PALLD: variants seen among roughly 807,000 people sequenced by gnomAD.
PALLD encodes palladin, cytoskeletal associated protein.
Under a neutral mutation model 123.5 loss-of-function variants are expected in PALLD, and 61 were observed. The observed-to-expected ratio is 0.49, with a 90% CI of 0.40 to 0.61. The LOEUF is 0.61. Ranked by LOEUF, PALLD falls within the 20% of genes least tolerant of loss-of-function variation. The pLI is 0.00. For synonymous variants in PALLD, 465 were observed against 496.4 expected, an observed-to-expected ratio of 0.94 and a Z score of 0.84; for missense variants, 1,273 against 1,377.0, an observed-to-expected ratio of 0.92 and a Z score of 1.20.
intron 10 of PALLD, among the ~76,000 whole-genome samples, chr4:168,729,917 G>GC (rs1786989178): frequency 6.6e-6 from 1 of 152,136 alleles, no homozygotes; most frequent in Non-Finnish European, 1.5e-5. Flanking sequence ...AGTTACTGTA[G>GC]CAAAATTCAG....
intron 10 of PALLD, among the ~76,000 whole-genome samples, chr4:168,875,518 C>T (rs1751630220): frequency 6.6e-6 from 1 of 152,150 alleles, no homozygotes; most frequent in Non-Finnish European, 1.5e-5. Flanking sequence ...TTTTCCCCAC[C>T]CCTCCAGTCC....
At chr4:168,898,819 C>G in intron 14 of PALLD, 105 bp downstream of exon 14, 1 of 793,430 alleles carries the variant, frequency 1.3e-6, no homozygotes, top group Middle Eastern at 2.2e-4. Context: ...TGATCTTTCT[C>G]AATACCCACG....
intron 10 of PALLD, among the ~76,000 whole-genome samples, chr4:168,807,489 G>A (rs6840206): frequency 0.52 from 78,719 of 151,752 alleles, 20,988 homozygotes; most frequent in Non-Finnish European, 0.57. Flanking sequence ...GGCTCACTGC[G>A]ACCTCCGCCT....
At chr4:168,513,281 T>C (rs1324650441) in intron 2 of PALLD, among the ~76,000 whole-genome samples, 5 of 152,160 alleles carry the variant, frequency 3.3e-5, no homozygotes, top group African/African-American at 1.2e-4. Flanking sequence ...CTGCCCGTTA[T>C]TCCTACACAG....
At chr4:168,888,028 A>T (rs1397636080) in intron 10 of PALLD, among the ~76,000 whole-genome samples, 1 of 152,188 alleles carries the variant, frequency 6.6e-6, no homozygotes, top group African/African-American at 2.4e-5. Flanking sequence ...CATCCTTTCC[A>T]AGGAGTCATT....
At chr4:168,832,178 G>A (rs1744329843) in intron 10 of PALLD, 1 of 985,522 alleles carries the variant, frequency 1.0e-6, no homozygotes. Flanking sequence ...CGAGGTAGGC[G>A]CGGGGAATCG....
chr4:168,521,092 A>G (rs1287494774), intron 2 of PALLD, among the ~76,000 whole-genome samples: 2 of 152,196 alleles, frequency 1.3e-5, no homozygotes, highest in Non-Finnish European at 2.9e-5. Flanking sequence ...GTGGTGTTTC[A>G]GTAGAATATT....
At chr4:168,855,516 T>C (rs1019484666) in intron 10 of PALLD, among the ~76,000 whole-genome samples, 3 of 152,222 alleles carry the variant, frequency 2.0e-5, no homozygotes, top group Non-Finnish European at 2.9e-5. Flanking sequence ...TGATCTCTTA[T>C]ACACTCTAGT....
chr4:168,827,133 A>G (rs992116904), intron 10 of PALLD, among the ~76,000 whole-genome samples: 6 of 152,242 alleles, frequency 3.9e-5, no homozygotes, highest in Non-Finnish European at 8.8e-5. Flanking sequence ...AAGTACAAAC[A>G]GTCCCATTTC....
At chr4:168,583,471 C>T (rs573105149) in intron 2 of PALLD, among the ~76,000 whole-genome samples, 1 of 152,030 alleles carries the variant, frequency 6.6e-6, no homozygotes, top group Non-Finnish European at 1.5e-5. Flanking sequence ...CAAAGAGCTC[C>T]CAGGGAGTAC....
At position 168,926,505 on chromosome 4, in the gene PALLD, AC is replaced by A. The variant is rs1470963156; in HGVS notation, c.*326del. ...TTGACTATAAGAAATTAAAAAAAAA[AC>A]ACCAAAATAATATTTTTCTTACTTG... On this transcript the variant is annotated 3_prime_UTR_variant, in exon 22 of 22. Coordinates refer to ENST00000505667, the MANE Select transcript of PALLD (RefSeq NM_001166108.2). 6 of 593,250 alleles carry A rather than the reference AC, an allele frequency of 1.0e-5. No homozygotes were observed. The highest frequency in any genetic ancestry group is 3.8e-5 in the African/African-American group (2 of 52,208). 36.7% of individuals were successfully genotyped at this position (593,250 alleles called of 1,614,324 possible).
intron 2 of PALLD, among the ~76,000 whole-genome samples, chr4:168,566,928 A>G (rs1437038186): frequency 3.9e-5 from 6 of 152,172 alleles, no homozygotes; most frequent in African/African-American, 1.4e-4. Flanking sequence ...AGCCAGAGAT[A>G]CACCAGATTG....
In PALLD at chr4:168,691,279, T is replaced by G; in HGVS notation, c.1488T>G (p.Ser496=). 2 of 1,610,684 alleles carry G rather than the reference T, an allele frequency of 1.2e-6. No individual in the cohort carries two copies. Among genetic ancestry groups the G allele is most frequent in the Non-Finnish European group, 1.7e-6 (2 of 1,177,538 alleles). ...TCATGTGGCAAACAGAACCTAGATC[T>G]ACAGCTGAACCTGGTAAGAATATTT... is the stretch of plus-strand genomic sequence containing the variant. The part of the protein sequence containing the change: ...DFRILQKKPR[S]TAEPEEICTL... Residue 496 remains serine (S), a synonymous_variant, in exon 8 of 22, where the codon TCT becomes TCG. Coordinates refer to ENST00000505667, the MANE Select transcript of PALLD (RefSeq NM_001166108.2).
In PALLD at chr4:168,745,336, A is replaced by G. The variant is rs1372352758; in HGVS notation, c.1964+33413A>G. ...TACAACAGCCCTTTGAATCACCTTC[A>G]TATGTCGTTAATACTTCATTGGGTA... On this transcript the variant is annotated intron_variant, in intron 10 of 21. Transcript: ENST00000505667. Among the ~76,000 whole-genome samples, 4 of 146,984 alleles carry G rather than the reference A, an allele frequency of 2.7e-5. No individual in the cohort carries two copies. In the Admixed American group the frequency reaches 2.7e-4, roughly 10 times the overall value.
intron 2 of PALLD, among the ~76,000 whole-genome samples, chr4:168,555,190 C>T (rs1469209959): frequency 6.6e-6 from 1 of 151,980 alleles, no homozygotes; most frequent in Non-Finnish European, 1.5e-5. Context: ...GGGTGTTTTC[C>T]CCAGTGAATT....
At chr4:168,894,819 A>G (rs1426489484) in intron 12 of PALLD, 142 bp downstream of exon 12, 9 of 1,374,850 alleles carry the variant, frequency 6.5e-6, no homozygotes, top group Middle Eastern at 1.8e-4. Context: ...TCATCAGTCA[A>G]CCTCACAGCT....
chr4:168,849,437 A>G, intron 10 of PALLD, among the ~76,000 whole-genome samples: 1 of 152,210 alleles, frequency 6.6e-6, no homozygotes, highest in East Asian at 1.9e-4. Context: ...GCTGCAGAAG[A>G]AAAAGGAGAA....
intron 2 of PALLD, among the ~76,000 whole-genome samples, chr4:168,632,669 C>T (rs1314310570): frequency 2.6e-5 from 4 of 152,186 alleles, no homozygotes; most frequent in Non-Finnish European, 4.4e-5. Context: ...GGGAAGAATG[C>T]ATTCCTGATG....
At chr4:168,598,200 A>C (rs1260656100) in intron 2 of PALLD, 1 of 328,616 alleles carries the variant, frequency 3.0e-6, no homozygotes, top group Non-Finnish European at 6.3e-6. Context: ...CTTATTTGTT[A>C]AATCTAGTCC....
Sources: allele counts gnomAD v4.1 joint callset (sites outside exome capture counted in the v4.1 genomes callset), GRCh38; gene constraint gnomAD v4.1.1; transcripts MANE v1.5; gene names NCBI Gene and HGNC (gene_info 2026-07-23, HGNC 2026-07-21).